AGPAT5: variants seen among roughly 807,000 people sequenced by gnomAD.
The protein encoded by AGPAT5 is 1-acyl-sn-glycerol-3-phosphate acyltransferase epsilon.
Under a neutral mutation model 45.6 loss-of-function variants are expected in AGPAT5, and 46 were observed. The observed-to-expected ratio is 1.01, with a 90% CI of 0.80 to 1.29. The LOEUF is 1.29. AGPAT5 is among the 50% of genes most tolerant of loss of function. The pLI, the probability that AGPAT5 is intolerant of heterozygous loss-of-function variation, is 0.00. For missense variants in AGPAT5, 673 were observed against 450.7 expected, an observed-to-expected ratio of 1.49 and a Z score of -4.47; for synonymous variants, 272 against 167.0, an observed-to-expected ratio of 1.63 and a Z score of -4.85.
In AGPAT5 at chr8:6,747,858, G is replaced by T. The variant is rs780513259; in HGVS notation, c.745+30G>T. 4.3e-6 allele frequency: 7 copies of T among 1,611,110 alleles called. No individual in the cohort carries two copies. The East Asian group carries it at 1.3e-4, about 31-fold the overall frequency. On this transcript the variant is annotated intron_variant, in intron 6 of 7. Coordinates refer to ENST00000285518, the MANE Select transcript of AGPAT5 (RefSeq NM_018361.5). ...GTGTGTTCACGCACCTGAAATGCCT[G>T]TACACGGTATATACAGTGCACATGT...
chr8:6,728,461 C>G (rs117969529), intron 2 of AGPAT5, among the ~76,000 whole-genome samples: 5,257 of 152,290 alleles, frequency 0.035, 144 homozygotes, highest in Non-Finnish European at 0.046. Context: ...AATGTTTCCA[C>G]TAAAATATTC....
chr8:6,718,201 C>T (rs1800394747), intron 1 of AGPAT5, among the ~76,000 whole-genome samples: 1 of 152,190 alleles, frequency 6.6e-6, no homozygotes, highest in Admixed American at 6.5e-5. Context: ...CCAAAAGACA[C>T]ATGCATGCTG....
intron 1 of AGPAT5, among the ~76,000 whole-genome samples, chr8:6,710,480 G>A (rs1253570602): frequency 6.6e-6 from 1 of 152,196 alleles, no homozygotes; most frequent in African/African-American, 2.4e-5. Flanking sequence ...TGTGTTCCTT[G>A]ATGAAGTTCT....
intron 1 of AGPAT5, among the ~76,000 whole-genome samples, chr8:6,711,942 A>G (rs148581774): frequency 4.6e-4 from 70 of 152,338 alleles, no homozygotes; most frequent in African/African-American, 1.7e-3. Flanking sequence ...AAGATCCTTA[A>G]TTATAACTGC....
Position 6,758,890 on chromosome 8 carries a change from A to G in AGPAT5, c.*1502A>G, listed in dbSNP as rs570892974. 6.5e-6 allele frequency: 1 copy of G among 152,768 alleles called. No individual in the cohort carries two copies. The highest frequency in any genetic ancestry group is 2.4e-5 in the African/African-American group (1 of 41,576). The allele number at this position is 152,768 out of a possible 1,614,324, so 9.5% of individuals were successfully genotyped here. On this transcript the variant is annotated 3_prime_UTR_variant, in exon 8 of 8. Transcript: ENST00000285518. ...GAAATATATCAGTGGCCCACATTAA[A>G]CATACCAGTTGGATCATGATAAGCA...
chr8:6,720,017 G>A (rs1329829159), intron 1 of AGPAT5, among the ~76,000 whole-genome samples: 18 of 152,190 alleles, frequency 1.2e-4, no homozygotes. Flanking sequence ...TGATTGGATT[G>A]TCCTGCTTTT....
At chr8:6,737,488 T>C (rs143258802) in intron 4 of AGPAT5, among the ~76,000 whole-genome samples, 82 of 152,338 alleles carry the variant, frequency 5.4e-4, no homozygotes, top group African/African-American at 1.9e-3. Context: ...TGTGAAGAAA[T>C]ACATCTCCAT....
intron 1 of AGPAT5, among the ~76,000 whole-genome samples, chr8:6,711,204 GAGA>G (rs1800146288): frequency 6.6e-6 from 1 of 152,234 alleles, no homozygotes; most frequent in Admixed American, 6.5e-5. Flanking sequence ...TTAAGCTGAA[GAGA>G]AGTAGTAGTA....
At position 6,721,689 on chromosome 8, in the gene AGPAT5, G is replaced by T. The variant is rs576581825; in HGVS notation, c.220-3181G>T. 3.3e-5 allele frequency among the ~76,000 whole-genome samples: 5 copies of T among 152,286 alleles called. No homozygotes were observed. In the South Asian group the frequency reaches 6.2e-4, roughly 19 times the overall value. ...CCATTACTTTAGAACCTACCTCTTA[G>T]TGGCTCTTATGTTACAGTATAAGGG... On this transcript the variant is annotated intron_variant, in intron 1 of 7. Coordinates refer to ENST00000285518, the MANE Select transcript of AGPAT5 (RefSeq NM_018361.5).
chr8:6,724,418 G>T (rs1284226903), intron 1 of AGPAT5, among the ~76,000 whole-genome samples: 2 of 152,040 alleles, frequency 1.3e-5, no homozygotes, highest in Non-Finnish European at 2.9e-5. Context: ...AAAAAAGGTT[G>T]TGTACCCTTT....
chr8:6,747,800 G>C lies in AGPAT5; in HGVS notation c.717G>C (p.Gly239=), dbSNP rs34512777. Residue 239 remains glycine, a synonymous_variant, in exon 6 of 8, where the codon GGG becomes GGC. Transcript: ENST00000285518. ...TVVYEGKDDG[G]QRRESPTMTE... Reference sequence around the variant, plus strand: ...TTTATGAAGGGAAAGACGATGGAGGGCAGCGAAGAGAGTCACCGACCATGA... The same window carrying C: ...TTTATGAAGGGAAAGACGATGGAGGCCAGCGAAGAGAGTCACCGACCATGA... 4.2e-4 allele frequency: 679 copies of C among 1,614,124 alleles called. 3 individuals carry two copies. The African/African-American group carries it at 7.9e-3, about 19-fold the overall frequency.
At chr8:6,724,177 G>A (rs976683150) in intron 1 of AGPAT5, among the ~76,000 whole-genome samples, 33 of 152,174 alleles carry the variant, frequency 2.2e-4, no homozygotes, top group African/African-American at 7.7e-4. Flanking sequence ...CATACTTACA[G>A]AATAAAGTTT....
chr8:6,735,709 A>G (rs1271771446), intron 4 of AGPAT5, among the ~76,000 whole-genome samples: 1 of 152,194 alleles, frequency 6.6e-6, no homozygotes, highest in African/African-American at 2.4e-5. Flanking sequence ...TAGGGTTGGC[A>G]GTAGTATTCC....
intron 1 of AGPAT5, among the ~76,000 whole-genome samples, chr8:6,716,346 G>A (rs563089353): frequency 3.3e-5 from 5 of 152,072 alleles, no homozygotes; most frequent in Non-Finnish European, 5.9e-5. Flanking sequence ...ATCACTTGAG[G>A]TCAGGCATTC....
chr8:6,733,364 A>C (rs1349220221), intron 4 of AGPAT5, among the ~76,000 whole-genome samples: 2 of 151,802 alleles, frequency 1.3e-5, no homozygotes, highest in Non-Finnish European at 2.9e-5. Context: ...CCCTCCCCTC[A>C]CCAGGGGTCC....
intron 1 of AGPAT5, among the ~76,000 whole-genome samples, chr8:6,711,622 C>A (rs1054299937): frequency 6.6e-6 from 1 of 152,200 alleles, no homozygotes; most frequent in East Asian, 1.9e-4. Flanking sequence ...CAAAACAGAT[C>A]ACCTCAAACT....
intron 6 of AGPAT5, among the ~76,000 whole-genome samples, chr8:6,751,406 C>A (rs1424372069): frequency 6.6e-6 from 1 of 152,218 alleles, no homozygotes; most frequent in African/African-American, 2.4e-5. Flanking sequence ...GATTGTTGAA[C>A]ATGCAGGGCC....
At chr8:6,735,784 G>A (rs1293871465) in intron 4 of AGPAT5, among the ~76,000 whole-genome samples, 1 of 150,660 alleles carries the variant, frequency 6.6e-6, no homozygotes, top group East Asian at 1.9e-4. Context: ...TCAAAACTTG[G>A]AACAATGTTA....
At chr8:6,732,329 C>A (rs994182883) in intron 3 of AGPAT5, among the ~76,000 whole-genome samples, 1 of 152,178 alleles carries the variant, frequency 6.6e-6, no homozygotes, top group Non-Finnish European at 1.5e-5. Flanking sequence ...AACTAAACTT[C>A]ATGTGTTTTC....
Sources: allele counts gnomAD v4.1 joint callset (sites outside exome capture counted in the v4.1 genomes callset), GRCh38; gene constraint gnomAD v4.1.1; transcripts MANE v1.5; gene names NCBI Gene and HGNC (gene_info 2026-07-23, HGNC 2026-07-21).